P2RY12: variants seen among roughly 807,000 people sequenced by gnomAD.
The protein encoded by P2RY12 is purinergic receptor P2Y12.
A neutral mutation model predicts 4.5 loss-of-function variants in P2RY12; 3 were observed. The observed-to-expected ratio is 0.67, with a 90% CI of 0.31 to 1.74. The LOEUF (loss-of-function observed/expected upper bound fraction) is 1.74. Ranked by LOEUF, P2RY12 falls within the 40% of genes most tolerant of loss-of-function variation. The pLI, the probability that P2RY12 is intolerant of heterozygous loss-of-function variation, is 0.09. For missense variants in P2RY12, 356 were observed against 407.8 expected (o/e 0.87, Z 1.09); for synonymous variants, 148 against 154.1 (o/e 0.96, Z 0.29).
chr3:151,383,333 C>G (rs2108150633), intron 1 of P2RY12, among the ~76,000 whole-genome samples: 1 of 152,276 alleles, frequency 6.6e-6, no homozygotes, highest in African/African-American at 2.4e-5. Context: ...AGCCTCCTGC[C>G]CACCACTGCT....
intron 1 of P2RY12, among the ~76,000 whole-genome samples, chr3:151,375,494 T>C (rs929891356): frequency 6.6e-6 from 1 of 152,112 alleles, no homozygotes; most frequent in African/African-American, 2.4e-5. Flanking sequence ...CAATTGCACT[T>C]CTATGAAATT....
intron 1 of P2RY12, among the ~76,000 whole-genome samples, chr3:151,383,124 A>G (rs1577515743): frequency 6.6e-6 from 1 of 152,250 alleles, no homozygotes; most frequent in African/African-American, 2.4e-5. Context: ...CCAACTTTCC[A>G]TCAAATTGAT....
intron 1 of P2RY12, among the ~76,000 whole-genome samples, chr3:151,366,463 G>A (rs1755284586): frequency 6.6e-6 from 1 of 152,194 alleles, no homozygotes; most frequent in African/African-American, 2.4e-5. Flanking sequence ...TTCCGAGGAT[G>A]TCCGGTGTTT....
chr3:151,347,288 C>T (rs1409284229), intron 1 of P2RY12, among the ~76,000 whole-genome samples: 1 of 152,126 alleles, frequency 6.6e-6, no homozygotes. Context: ...TATATTTGTT[C>T]ATTAGTCTGC....
At position 151,337,972 on chromosome 3, in the gene P2RY12, A is replaced by C. The variant is rs781386522; in HGVS notation, c.874T>G (p.Cys292Gly). The change falls in exon 3 of 3, where the codon TGC becomes GGC. Residue 292 changes from cysteine (C) to glycine (G), a missense_variant. Transcript: ENST00000302632. ...STLWLTSLNACLDPFIYFFLC... is the reference protein window; with the variant it reads ...STLWLTSLNAGLDPFIYFFLC... The stretch of plus-strand genomic sequence containing the variant: ...AAAAAATAGATGAACGGATCCAGGC[A>C]TGCATTTAAGGAAGTTAACCACAGA... 4 of 1,614,150 alleles carry C rather than the reference A, an allele frequency of 2.5e-6. No individual in the cohort carries two copies. In the South Asian group the frequency reaches 4.4e-5, roughly 18 times the overall value.
intron 1 of P2RY12, chr3:151,378,219 T>A: frequency 5.3e-6 from 8 of 1,514,690 alleles, no homozygotes; most frequent in Non-Finnish European, 7.1e-6. Context: ...AAAGAATAAT[T>A]GAGAAAGTCT....
intron 1 of P2RY12, among the ~76,000 whole-genome samples, chr3:151,342,101 G>A (rs1191651406): frequency 2.0e-5 from 3 of 152,150 alleles, no homozygotes; most frequent in Non-Finnish European, 4.4e-5. Context: ...CCAGTAATGG[G>A]ATGGCTGGGT....
In P2RY12 at chr3:151,338,258, G is replaced by T; in HGVS notation, c.588C>A (p.Val196=). The T allele has an allele frequency of 6.2e-7, 1 of 1,613,850 alleles. No individual in the cohort carries two copies. Among genetic ancestry groups the T allele is most frequent in the East Asian group, 2.2e-5 (1 of 44,884 alleles). Residue 196 remains valine, a synonymous_variant, in exon 3 of 3, where the codon GTC becomes GTA. Transcript: ENST00000302632. Reference sequence around the variant, plus strand: ...CAATTAAGAAATTAATCCAGAAAATGACTTGACAGATGTAATTTACTATTT... The same window carrying T: ...CAATTAAGAAATTAATCCAGAAAATTACTTGACAGATGTAATTTACTATTT... ...WHEIVNYICQ[V]IFWINFLIVI...
At chr3:151,375,911 A>G (rs750342626) in intron 1 of P2RY12, 9 of 578,884 alleles carry the variant, frequency 1.6e-5, no homozygotes, top group Non-Finnish European at 2.3e-5. Context: ...AATTTTTTAA[A>G]TTGGAAAATT....
At chr3:151,367,642 G>C (rs889495164) in intron 1 of P2RY12, 2 of 1,598,058 alleles carry the variant, frequency 1.3e-6, no homozygotes, top group African/African-American at 2.7e-5. Flanking sequence ...TGTTTTTCTT[G>C]AAGGTGAGTG....
intron 1 of P2RY12, among the ~76,000 whole-genome samples, chr3:151,370,149 A>G (rs1355056532): frequency 6.6e-6 from 1 of 152,186 alleles, no homozygotes; most frequent in Non-Finnish European, 1.5e-5. Flanking sequence ...CTTATTTGTA[A>G]GAATTTTCCT....
At chr3:151,360,524 C>G (rs749720230) in intron 1 of P2RY12, 14 of 1,612,834 alleles carry the variant, frequency 8.7e-6, no homozygotes, top group Non-Finnish European at 1.2e-5. Flanking sequence ...TGTTCTTCCC[C>G]TGAAAGATGC....
intron 1 of P2RY12, chr3:151,357,220 A>G (rs369808691): frequency 1.9e-6 from 3 of 1,601,306 alleles, no homozygotes; most frequent in African/African-American, 2.7e-5. Flanking sequence ...CAGTTACTAA[A>G]TGAACTGAGT....
chr3:151,343,742 T>C, intron 1 of P2RY12, among the ~76,000 whole-genome samples: 1 of 125,872 alleles, frequency 7.9e-6, no homozygotes, highest in East Asian at 2.3e-4. Context: ...ATTTTTACTT[T>C]TAAGTGGCTT....
rs1427678201 is a variant in P2RY12 at position 151,337,026 on chromosome 3, T to C, written c.*791A>G. The stretch of plus-strand genomic sequence containing the variant: ...TAATTAGCAGCTATTTTCTAGAAGC[T>C]AATTAATAAAGGTAAGTGTCAATGA... On this transcript the variant is annotated 3_prime_UTR_variant, in exon 3 of 3. Transcript: ENST00000302632. 1 of 152,266 alleles carries C rather than the reference T, an allele frequency of 6.6e-6. No homozygotes were observed. Among genetic ancestry groups the C allele is most frequent in the African/African-American group, 2.4e-5 (1 of 41,462 alleles). 9.4% of individuals were successfully genotyped at this position (152,266 alleles called of 1,614,324 possible).
At chr3:151,362,465 G>T (rs948033363) in intron 1 of P2RY12, among the ~76,000 whole-genome samples, 2 of 151,906 alleles carry the variant, frequency 1.3e-5, no homozygotes, top group Admixed American at 1.3e-4. Flanking sequence ...TGTGATACTT[G>T]TCCTCAGTTA....
rs529479343 is a variant in P2RY12, at chr3:151,358,752, G to A, written c.-179-17992C>T. On this transcript the variant is annotated intron_variant, in intron 1 of 2. Transcript: ENST00000302632. Reference sequence around the variant, plus strand: ...CTTAAAACTATTATTTCACTTCTTCGTACTTATGTGAACAGTACACTGGAT... The same window carrying A: ...CTTAAAACTATTATTTCACTTCTTCATACTTATGTGAACAGTACACTGGAT... Among the ~76,000 whole-genome samples the A allele has an allele frequency of 7.9e-5, 12 of 152,034 alleles. No individual in the cohort carries two copies. In the South Asian group the frequency reaches 1.2e-3, roughly 16 times the overall value.
rs74807235 is a variant in P2RY12 at position 151,348,106 on chromosome 3, T to C, written c.-179-7346A>G. ...ACAGGAATCATTCATCCTTGTATTT[T>C]TTCAGGGCTCCTAGCATTTTGTCTT... is the stretch of plus-strand genomic sequence containing the variant. On this transcript the variant is annotated intron_variant, in intron 1 of 2. Coordinates refer to ENST00000302632, the MANE Select transcript of P2RY12 (RefSeq NM_022788.5). Among the ~76,000 whole-genome samples, 1,443 of 152,260 alleles carry C rather than the reference T, an allele frequency of 9.5e-3. 29 individuals carry two copies. Among genetic ancestry groups the C allele is most frequent in the African/African-American group, 0.033 (1,360 of 41,550 alleles).
intron 1 of P2RY12, chr3:151,380,240 A>C (rs1258787022): frequency 6.9e-7 from 1 of 1,459,476 alleles, no homozygotes; most frequent in African/African-American, 1.4e-5. Context: ...GTATAGTATA[A>C]TATTAAGACA....
Sources: allele counts gnomAD v4.1 joint callset (sites outside exome capture counted in the v4.1 genomes callset), GRCh38; gene constraint gnomAD v4.1.1; transcripts MANE v1.5; gene names NCBI Gene and HGNC (gene_info 2026-07-23, HGNC 2026-07-21).